GAK: variants seen among roughly 807,000 people sequenced by gnomAD.
The protein encoded by GAK is cyclin-G-associated kinase.
GAK carries 79 observed loss-of-function variants against 143.9 expected under a neutral mutation model. The observed-to-expected ratio is 0.55, with a 90% CI of 0.46 to 0.66. The LOEUF is 0.66. Among genes scored for constraint, GAK ranks in the 30% least tolerant of loss-of-function variants. The pLI, the probability that GAK is intolerant of heterozygous loss-of-function variation, is 0.00. For missense variants in GAK, 1,693 were observed against 1,779.7 expected (o/e 0.95, Z 0.88); for synonymous variants, 881 against 765.5 (o/e 1.15, Z -2.49).
intron 11 of GAK, among the ~76,000 whole-genome samples, chr4:885,392 A>G (rs1382841217): frequency 2.0e-5 from 3 of 152,362 alleles, no homozygotes; most frequent in East Asian, 3.9e-4. Context: ...CCTGACCAAC[A>G]TGGTGAAACC....
intron 11 of GAK, among the ~76,000 whole-genome samples, chr4:885,422 G>A (rs534095665): frequency 4.6e-5 from 7 of 152,298 alleles, no homozygotes; most frequent in East Asian, 3.9e-4. Flanking sequence ...CCTGTACCAC[G>A]GCAGGCAGCG....
At chr4:906,064 A>G (rs1053434872) in intron 4 of GAK, among the ~76,000 whole-genome samples, 67 of 152,318 alleles carry the variant, frequency 4.4e-4, no homozygotes, top group African/African-American at 1.5e-3. Flanking sequence ...TGAGAACCAC[A>G]TCGGCATCCC....
At chr4:858,301 G>T (rs1423630859) in intron 24 of GAK, among the ~76,000 whole-genome samples, 1 of 152,188 alleles carries the variant, frequency 6.6e-6, no homozygotes, top group Non-Finnish European at 1.5e-5. Flanking sequence ...AGTTGTATCG[G>T]CTTTGCTCTT....
chr4:853,288 G>C (rs1748511000), intron 24 of GAK: 1 of 152,266 alleles, frequency 6.6e-6, no homozygotes, highest in Admixed American at 6.5e-5. Flanking sequence ...AGGACACCTG[G>C]GTTGATGCCA....
intron 5 of GAK, among the ~76,000 whole-genome samples, chr4:901,064 T>C (rs1427068845): frequency 6.6e-6 from 1 of 152,178 alleles, no homozygotes; most frequent in Non-Finnish European, 1.5e-5. Context: ...ATTTTCAAAA[T>C]CTACGTGAAG....
At chr4:881,366 C>T (rs917961878) in intron 15 of GAK, among the ~76,000 whole-genome samples, 10 of 152,176 alleles carry the variant, frequency 6.6e-5, no homozygotes, top group Non-Finnish European at 1.0e-4. Flanking sequence ...GTGGACTCCT[C>T]GGGCGTGGAC....
At chr4:871,012 C>A (rs1712476581) in intron 18 of GAK, 108 bp from the exon 19 acceptor site, 1 of 1,006,982 alleles carries the variant, frequency 9.9e-7, no homozygotes, top group Non-Finnish European at 1.4e-6. Flanking sequence ...CTGCAGGCAG[C>A]GGGGCGAGAA....
At chr4:854,545 A>G (rs964377166) in intron 24 of GAK, among the ~76,000 whole-genome samples, 10 of 152,178 alleles carry the variant, frequency 6.6e-5, no homozygotes, top group African/African-American at 2.4e-4. Context: ...GGCTTTGCCT[A>G]CCGCTGCCCA....
chr4:870,322 G>A (rs759356712), intron 19 of GAK, among the ~76,000 whole-genome samples: 39 of 152,232 alleles, frequency 2.6e-4, no homozygotes, highest in African/African-American at 7.2e-4. Flanking sequence ...CGACAGGAGC[G>A]AGGGTTCTGT....
intron 11 of GAK, among the ~76,000 whole-genome samples, chr4:884,797 AG>A (rs1187565601): frequency 6.6e-6 from 1 of 152,242 alleles, no homozygotes; most frequent in Non-Finnish European, 1.5e-5. Context: ...AGGACAGAGC[AG>A]GCCGGAGGCT....
chr4:926,565 T>TA (rs1344577914), intron 1 of GAK, among the ~76,000 whole-genome samples: 1 of 152,196 alleles, frequency 6.6e-6, no homozygotes, highest in African/African-American at 2.4e-5. Context: ...ACAATCCACA[T>TA]AAAGTACTAC....
intron 1 of GAK, among the ~76,000 whole-genome samples, chr4:923,269 A>T (rs747619397): frequency 2.0e-5 from 3 of 152,142 alleles, no homozygotes; most frequent in Non-Finnish European, 4.4e-5. Context: ...AAAATAATAC[A>T]GTTTATTTAA....
intron 17 of GAK, 116 bp from the exon 18 acceptor site, chr4:876,725 G>T (rs1400847064): frequency 2.3e-6 from 2 of 862,850 alleles, no homozygotes; most frequent in Non-Finnish European, 3.8e-6. Context: ...CTGGAGGCAT[G>T]GACGGCGCCC....
At chr4:930,163 A>G (rs980644603) in intron 1 of GAK, among the ~76,000 whole-genome samples, 2 of 152,186 alleles carry the variant, frequency 1.3e-5, no homozygotes, top group African/African-American at 4.8e-5. Context: ...TGCTGTTCAG[A>G]CAAAACTTAA....
intron 22 of GAK, among the ~76,000 whole-genome samples, 181 bp downstream of exon 22, chr4:866,183 G>C (rs1577075815): frequency 6.6e-6 from 1 of 152,230 alleles, no homozygotes; most frequent in Non-Finnish European, 1.5e-5. Context: ...ACAGAGCAGG[G>C]AGCAGTCTGT....
At chr4:903,870 C>T (rs890027531) in intron 5 of GAK, among the ~76,000 whole-genome samples, 11 of 152,130 alleles carry the variant, frequency 7.2e-5, no homozygotes. Flanking sequence ...GCTGTGAGCA[C>T]CCCCAACTGG....
chr4:877,994 T>G (rs1232540693), intron 15 of GAK, among the ~76,000 whole-genome samples, 185 bp from the exon 16 acceptor site: 6 of 152,176 alleles, frequency 3.9e-5, no homozygotes, highest in Admixed American at 1.3e-4. Context: ...TGTGTATACA[T>G]ATATGTATTT....
Position 865,104 on chromosome 4 carries a change from G to A in GAK, c.3166+18C>T. On this transcript the variant is annotated intron_variant, in intron 23 of 27. Coordinates refer to ENST00000314167, the MANE Select transcript of GAK (RefSeq NM_005255.4). ...CTGCACGTCTGGGAGCCCTGTCCTT[G>A]GTGGGTGGTGGCCATACCTTCTGTG... The A allele has an allele frequency of 6.2e-7, 1 of 1,602,896 alleles. No individual in the cohort carries two copies. The highest frequency in any genetic ancestry group is 8.5e-7 in the Non-Finnish European group (1 of 1,173,602).
intron 1 of GAK, among the ~76,000 whole-genome samples, chr4:923,541 G>A (rs1724217794): frequency 6.6e-6 from 1 of 152,204 alleles, no homozygotes; most frequent in Non-Finnish European, 1.5e-5. Context: ...CAGGCGTGGT[G>A]GTGCGTGCCT....
Sources: gnomAD v4.1 joint callset for allele counts (sites outside exome capture counted in the v4.1 genomes callset) on GRCh38, gnomAD v4.1.1 for gene constraint, MANE v1.5 for transcripts, NCBI Gene and HGNC (gene_info 2026-07-23, HGNC 2026-07-21) for gene names.